Variants in KSR2 observed in about 807,000 individuals in gnomAD.
KSR2 encodes the protein kinase suppressor of ras 2.
In KSR2, 25 loss-of-function variants were observed where a neutral mutation model predicts 107.8. The observed-to-expected ratio is 0.23, with a 90% CI of 0.17 to 0.32. KSR2 has a LOEUF of 0.32. KSR2 is among the 10% of genes least tolerant of loss of function. The pLI, the probability that KSR2 is intolerant of heterozygous loss-of-function variation, is 1.00. For synonymous variants in KSR2, 480 were observed against 507.0 expected (o/e 0.95, Z 0.71); for missense variants, 887 against 1,268.9 (o/e 0.70, Z 4.57).
chr12:117,848,760 G>A (rs1328643854), intron 3 of KSR2, among the ~76,000 whole-genome samples: 4 of 151,472 alleles, frequency 2.6e-5, no homozygotes, highest in East Asian at 3.9e-4. Context: ...TGGTGATGGC[G>A]ATGATGGTGG....
chr12:117,791,500 C>T (rs1366443754), intron 3 of KSR2, among the ~76,000 whole-genome samples: 1 of 151,776 alleles, frequency 6.6e-6, no homozygotes, highest in Non-Finnish European at 1.5e-5. Flanking sequence ...AATGGATCCT[C>T]GAATATTTAC....
intron 5 of KSR2, among the ~76,000 whole-genome samples, chr12:117,592,877 T>C (rs1276391892): frequency 1.3e-5 from 2 of 152,292 alleles, no homozygotes; most frequent in Middle Eastern, 6.8e-3. Flanking sequence ...ACACATCCCA[T>C]GGATCAGAGA....
At chr12:117,937,623 A>G (rs1443994212) in intron 1 of KSR2, among the ~76,000 whole-genome samples, 1 of 152,044 alleles carries the variant, frequency 6.6e-6, no homozygotes. Context: ...AAAGGAACCC[A>G]GTTTAAAGAC....
At chr12:117,786,848 G>A (rs549959868) in intron 3 of KSR2, among the ~76,000 whole-genome samples, 2 of 151,844 alleles carry the variant, frequency 1.3e-5, no homozygotes, top group African/African-American at 2.4e-5. Flanking sequence ...TGATCAACAT[G>A]GAGAAACCCT....
intron 6 of KSR2, among the ~76,000 whole-genome samples, chr12:117,579,484 CG>C (rs138679896): frequency 0.013 from 1,957 of 152,242 alleles, 41 homozygotes; most frequent in African/African-American, 0.045. Flanking sequence ...AGTAAGCACT[CG>C]ATAAATTGGG....
chr12:117,471,115 CATAGTA>C, intron 18 of KSR2, 70 bp downstream of exon 18: 1 of 1,556,442 alleles, frequency 6.4e-7, no homozygotes, highest in Non-Finnish European at 8.7e-7. Context: ...AACCTTAACA[CATAGTA>C]AAAAGAAGGC....
At chr12:117,772,246 T>A (rs1276786906) in intron 3 of KSR2, among the ~76,000 whole-genome samples, 61 of 16,918 alleles carry the variant, frequency 3.6e-3, no homozygotes, top group Admixed American at 8.3e-3. Flanking sequence ...GCACAAACAC[T>A]CACACATACA....
intron 3 of KSR2, among the ~76,000 whole-genome samples, chr12:117,846,794 T>C (rs1892721050): frequency 6.6e-6 from 1 of 152,216 alleles, no homozygotes. Context: ...TTTTATTTAA[T>C]GAATATAAGT....
At chr12:117,723,117 A>C (rs1004743820) in intron 4 of KSR2, among the ~76,000 whole-genome samples, 3 of 152,170 alleles carry the variant, frequency 2.0e-5, no homozygotes, top group Non-Finnish European at 4.4e-5. Context: ...AAGGCAGGCC[A>C]GAGGAATCCA....
chr12:117,737,782 CA>C lies in KSR2; in HGVS notation c.986+23228del, dbSNP rs10587288. ...TGGGTGAGAGAGCAAAATCCTGTCT[CA>C]AAAAAAAAAAAAAAAAAAAAAAGAC... On this transcript the variant is annotated intron_variant, in intron 4 of 19. Coordinates refer to ENST00000339824, the MANE Select transcript of KSR2 (RefSeq NM_173598.6). 7.3e-3 allele frequency among the ~76,000 whole-genome samples: 616 copies of C among 84,036 alleles called. 2 individuals carry two copies. The highest frequency in any genetic ancestry group is 0.012 in the Non-Finnish European group (486 of 39,846). The allele number at this position is 84,036 out of a possible 152,430, so 55.1% of individuals were successfully genotyped here. A position where few individuals can be genotyped will look rare whatever the true frequency, so the allele number is the denominator to read the frequency against.
At chr12:117,564,587 G>A (rs1202704164) in intron 7 of KSR2, among the ~76,000 whole-genome samples, 1 of 152,190 alleles carries the variant, frequency 6.6e-6, no homozygotes, top group African/African-American at 2.4e-5. Flanking sequence ...AGTTGCTTAC[G>A]AGGAACATCT....
At chr12:117,666,919 C>A (rs562140552) in intron 5 of KSR2, among the ~76,000 whole-genome samples, 160 of 152,310 alleles carry the variant, frequency 1.1e-3, no homozygotes, top group Non-Finnish European at 1.8e-3. Context: ...CAAGTAATAA[C>A]CACCCTGTCT....
rs529124861 is a variant in KSR2, at chr12:117,739,908, T to G, written c.986+21103A>C. On this transcript the variant is annotated intron_variant, in intron 4 of 19. Transcript: ENST00000339824. Reference sequence around the variant, plus strand: ...TGTTACTGTTTTTTTTTTTCACTCTTAGAAAAGCTTGTATTTTTTTTTAAA... The same window carrying G: ...TGTTACTGTTTTTTTTTTTCACTCTGAGAAAAGCTTGTATTTTTTTTTAAA... Among the ~76,000 whole-genome samples the G allele has an allele frequency of 1.2e-3, 185 of 151,928 alleles. 1 individual carries two copies. The highest frequency in any genetic ancestry group is 4.1e-3 in the African/African-American group (169 of 41,462).
intron 7 of KSR2, among the ~76,000 whole-genome samples, chr12:117,573,495 C>T (rs553366275): frequency 7.5e-4 from 113 of 150,164 alleles, no homozygotes; most frequent in African/African-American, 2.4e-3. Context: ...CGTGTCTGAC[C>T]GGCAGCCTGT....
At chr12:117,903,812 C>T (rs532912430) in intron 1 of KSR2, among the ~76,000 whole-genome samples, 1 of 152,242 alleles carries the variant, frequency 6.6e-6, no homozygotes, top group South Asian at 2.1e-4. Flanking sequence ...TTGAGGCCAG[C>T]CTGGGAAACA....
chr12:117,673,802 T>A (rs1421795935), intron 4 of KSR2, among the ~76,000 whole-genome samples: 4 of 152,262 alleles, frequency 2.6e-5, no homozygotes, highest in Non-Finnish European at 4.4e-5. Context: ...TTTCCCGTGA[T>A]CTTTGTAGGA....
intron 4 of KSR2, among the ~76,000 whole-genome samples, chr12:117,693,144 C>T (rs986045077): frequency 1.3e-5 from 2 of 152,066 alleles, no homozygotes; most frequent in Non-Finnish European, 2.9e-5. Flanking sequence ...CCTGGGAGGC[C>T]GAGGTTCTGG....
chr12:117,947,210 AAAGAAAGAAAGAAAG>A (rs1896216932), intron 1 of KSR2, among the ~76,000 whole-genome samples: 3 of 87,864 alleles, frequency 3.4e-5, no homozygotes, highest in Non-Finnish European at 6.6e-5. Flanking sequence ...GAAAGAAAAG[AAAGAAAGAAAGAAAG>A]AAAGAAAGAA....
At chr12:117,894,335 A>G (rs11068721) in intron 1 of KSR2, among the ~76,000 whole-genome samples, 22,894 of 152,076 alleles carry the variant, frequency 0.15, 2,280 homozygotes, top group East Asian at 0.48. Context: ...TTTATCATGA[A>G]CTTTTGTATT....
Sources: allele counts gnomAD v4.1 joint callset (sites outside exome capture counted in the v4.1 genomes callset), GRCh38; gene constraint gnomAD v4.1.1; transcripts MANE v1.5; gene names NCBI Gene and HGNC (gene_info 2026-07-23, HGNC 2026-07-21).